The following MAD1L1 variants were observed in gnomAD, a reference collection of about 807,000 sequenced individuals.
MAD1L1 encodes the protein mitotic arrest deficient 1 like 1.
Under a neutral mutation model 96.9 loss-of-function variants are expected in MAD1L1, and 95 were observed. That is an observed-to-expected ratio of 0.98 (90% CI 0.83 to 1.16). The LOEUF (loss-of-function observed/expected upper bound fraction) is 1.16. MAD1L1 is among the 50% of genes most tolerant of loss of function. MAD1L1 has a pLI of 0.00. For synonymous variants in MAD1L1, 473 were observed against 396.6 expected (o/e 1.19, Z -2.29); for missense variants, 1,007 against 954.4 (o/e 1.06, Z -0.73).
chr7:2,147,713 C>A (rs934918442), intron 11 of MAD1L1, among the ~76,000 whole-genome samples: 1 of 152,256 alleles, frequency 6.6e-6, no homozygotes, highest in Non-Finnish European at 1.5e-5. Flanking sequence ...GGACCACCTG[C>A]CCACTGTAGA....
At chr7:2,010,888 T>G (rs1782268305) in intron 13 of MAD1L1, among the ~76,000 whole-genome samples, 2 of 151,052 alleles carry the variant, frequency 1.3e-5, no homozygotes, top group East Asian at 2.0e-4. Flanking sequence ...TCAGAAGACA[T>G]AGGAGTGTGA....
intron 11 of MAD1L1, among the ~76,000 whole-genome samples, chr7:2,071,924 C>T (rs1035178043): frequency 6.6e-6 from 1 of 152,234 alleles, no homozygotes; most frequent in African/African-American, 2.4e-5. Flanking sequence ...CACGGACGCT[C>T]TGCACCCTTC....
intron 13 of MAD1L1, among the ~76,000 whole-genome samples, chr7:2,004,633 G>C (rs140193752): frequency 3.3e-5 from 5 of 152,318 alleles, no homozygotes; most frequent in Admixed American, 2.6e-4. Flanking sequence ...GGGTCCTGCC[G>C]AGGCCAGGCA....
At chr7:1,832,630 T>TTTTTGG (rs56664541) in intron 18 of MAD1L1, among the ~76,000 whole-genome samples, 3 of 2,344 alleles carry the variant, frequency 1.3e-3, no homozygotes, top group African/African-American at 3.5e-3. Flanking sequence ...TTTTTTTTTT[T>TTTTTGG]GGCGGGGGGG....
chr7:2,120,506 C>T (rs1245719018), intron 11 of MAD1L1, among the ~76,000 whole-genome samples: 1 of 152,218 alleles, frequency 6.6e-6, no homozygotes, highest in African/African-American at 2.4e-5. Context: ...AGGAGGCACT[C>T]GCAGTGCAGG....
chr7:2,161,971 G>T (rs1790165323), intron 10 of MAD1L1, among the ~76,000 whole-genome samples: 2 of 148,378 alleles, frequency 1.3e-5, no homozygotes, highest in Admixed American at 1.3e-4. Flanking sequence ...CGTCCGGGAG[G>T]TGGGGGGCGG....
At chr7:1,920,334 T>C (rs1386329940) in intron 17 of MAD1L1, among the ~76,000 whole-genome samples, 1 of 152,202 alleles carries the variant, frequency 6.6e-6, no homozygotes, top group Non-Finnish European at 1.5e-5. Context: ...CGGGGCTGTG[T>C]TGTCTGCAGA....
chr7:2,161,433 G>A (rs1225535228), intron 10 of MAD1L1, among the ~76,000 whole-genome samples: 2 of 152,056 alleles, frequency 1.3e-5, no homozygotes, highest in African/African-American at 2.4e-5. Flanking sequence ...CTGGAGTGCA[G>A]TGGCGTGATC....
At chr7:2,169,700 T>A (rs1397694790) in intron 10 of MAD1L1, among the ~76,000 whole-genome samples, 4 of 150,560 alleles carry the variant, frequency 2.7e-5, no homozygotes, top group Non-Finnish European at 3.0e-5. Flanking sequence ...AGGGGGCACA[T>A]GGAGCAGAGG....
At chr7:1,990,763 A>G (rs898343889) in intron 14 of MAD1L1, among the ~76,000 whole-genome samples, 9 of 146,176 alleles carry the variant, frequency 6.2e-5, no homozygotes, top group African/African-American at 2.3e-4. Flanking sequence ...CCAGAGCGCC[A>G]CTGCTGGCCT....
In MAD1L1 at chr7:1,945,029, G is replaced by A. The variant is rs547909037; in HGVS notation, c.1597-8132C>T. 4.9e-4 allele frequency among the ~76,000 whole-genome samples: 75 copies of A among 152,256 alleles called. 2 individuals carry two copies. The South Asian group carries it at 0.014, about 29-fold the overall frequency. On this transcript the variant is annotated intron_variant, in intron 16 of 18. Coordinates refer to ENST00000265854, the MANE Select transcript of MAD1L1 (RefSeq NM_001013836.2). ...CGGGCAGCCCCTCACCTGGGCCGTC[G>A]GCCACTGGGAGAGACAGTGGACACC...
chr7:1,865,807 T>G (rs1784751880), intron 18 of MAD1L1, among the ~76,000 whole-genome samples: 1 of 152,226 alleles, frequency 6.6e-6, no homozygotes, highest in Non-Finnish European at 1.5e-5. Context: ...CTGCTCTCTC[T>G]CTCGAATGGC....
chr7:2,224,626 C>CA (rs1228456249), intron 4 of MAD1L1, among the ~76,000 whole-genome samples: 1 of 152,168 alleles, frequency 6.6e-6, no homozygotes, highest in Non-Finnish European at 1.5e-5. Flanking sequence ...GCTGGACATC[C>CA]ACCCGCCAAG....
intron 10 of MAD1L1, among the ~76,000 whole-genome samples, chr7:2,162,076 C>G (rs954209420): frequency 2.0e-5 from 3 of 152,118 alleles, no homozygotes; most frequent in African/African-American, 7.3e-5. Context: ...GCCACCACCC[C>G]GTCTGGGAGG....
chr7:2,140,360 A>G (rs1475025599), intron 11 of MAD1L1, among the ~76,000 whole-genome samples: 1 of 152,238 alleles, frequency 6.6e-6, no homozygotes, highest in Non-Finnish European at 1.5e-5. Context: ...CTGAAGGGTG[A>G]AGGGTGCCGG....
chr7:1,927,882 T>G (rs1789180037), intron 17 of MAD1L1, among the ~76,000 whole-genome samples: 1 of 152,138 alleles, frequency 6.6e-6, no homozygotes, highest in Non-Finnish European at 1.5e-5. Context: ...AAGAGGCTCG[T>G]CACGGGCTGG....
intron 10 of MAD1L1, among the ~76,000 whole-genome samples, chr7:2,191,531 G>C (rs971585950): frequency 2.6e-5 from 4 of 152,172 alleles, no homozygotes; most frequent in African/African-American, 9.7e-5. Context: ...AGGAGTTCGA[G>C]ACCAGTCTGG....
chr7:2,000,110 C>T (rs1178703284), intron 14 of MAD1L1, among the ~76,000 whole-genome samples: 2 of 152,064 alleles, frequency 1.3e-5, no homozygotes, highest in East Asian at 1.9e-4. Context: ...CCCTGTGCAT[C>T]CAACGTGTGG....
intron 18 of MAD1L1, among the ~76,000 whole-genome samples, chr7:1,877,796 A>C (rs963886403): frequency 1.3e-5 from 2 of 152,226 alleles, no homozygotes; most frequent in African/African-American, 2.4e-5. Flanking sequence ...GAAGACAGAC[A>C]TTGCATAATT....
Sources: gnomAD v4.1 joint callset for allele counts (sites outside exome capture counted in the v4.1 genomes callset) on GRCh38, gnomAD v4.1.1 for gene constraint, MANE v1.5 for transcripts, NCBI Gene and HGNC (gene_info 2026-07-23, HGNC 2026-07-21) for gene names.